DMD: variants seen among roughly 807,000 people sequenced by gnomAD.
The protein encoded by DMD is mutant dystrophin.
A neutral mutation model predicts 330.1 loss-of-function variants in DMD; 63 were observed. The observed-to-expected ratio is 0.19, with a 90% CI of 0.16 to 0.24. DMD has a LOEUF of 0.24. Among genes scored for constraint, DMD ranks in the 10% least tolerant of loss-of-function variants. The pLI, the probability that DMD is intolerant of heterozygous loss-of-function variation, is 1.00. For missense variants in DMD, 3,344 were observed against 2,684.1 expected (o/e 1.25, Z -5.43); for synonymous variants, 1,223 against 959.8 (o/e 1.27, Z -5.07).
At chrX:33,271,059 G>A (rs1333105648) in intron 1 of DMD, among the ~76,000 whole-genome samples, 1 of 111,215 alleles carries the variant, frequency 9.0e-6, no homozygotes, top group East Asian at 2.8e-4. Flanking sequence ...CTATTTTCTC[G>A]AAGATCTTAA....
intron 1 of DMD, among the ~76,000 whole-genome samples, chrX:33,234,770 G>A (rs1015591925): frequency 4.5e-5 from 5 of 110,931 alleles, no homozygotes; most frequent in Non-Finnish European, 3.8e-5. Context: ...TCTGGGAAAA[G>A]AGATTTTGCT....
chrX:31,968,408 T>C lies in DMD; in HGVS notation c.6545A>G (p.Gln2182Arg), dbSNP rs749804804. 2.3e-5 allele frequency: 28 copies of C among 1,209,121 alleles called. No individual in the cohort carries two copies. The highest frequency in any genetic ancestry group is 4.4e-5 in the Admixed American group (2 of 45,646). ...QSSKTDASILQEKLGSLNLRW... is the reference protein window; with the variant it reads ...QSSKTDASILREKLGSLNLRW... ...CAGATTCAGGCTTCCCAATTTTTCC[T>C]GTAGAATACTGGCATCTGTTTTTGA... is the stretch of plus-strand genomic sequence containing the variant. Residue 2182 changes from glutamine (Q) to arginine (R), a missense_variant, in exon 45 of 79, where the codon CAG (glutamine) becomes CGG (arginine). Gln to Arg is a conservative substitution (Grantham distance 43). Transcript: ENST00000357033.
At chrX:32,231,505 A>G (rs1436749737) in intron 43 of DMD, among the ~76,000 whole-genome samples, 1 of 112,229 alleles carries the variant, frequency 8.9e-6, no homozygotes, top group Non-Finnish European at 1.9e-5. Context: ...CTTTGGCCAT[A>G]AAAAATTAAA....
chrX:32,410,526 A>G (rs1359712060), intron 30 of DMD, among the ~76,000 whole-genome samples: 4 of 111,717 alleles, frequency 3.6e-5, no homozygotes, highest in African/African-American at 6.5e-5. Context: ...CAAATCTAAT[A>G]TATCACCCCC....
rs60347530 is a variant in DMD, at chrX:32,155,973, A to AACACACACACAC, written c.6438+60931_6438+60942dup. Among the ~76,000 whole-genome samples, 60 of 95,767 alleles carry AACACACACACAC rather than the reference A, an allele frequency of 6.3e-4. 1 individual carries two copies. The highest frequency in any genetic ancestry group is 5.5e-3 in the Middle Eastern group (1 of 182). The allele number at this position is 95,767 out of a possible 115,157, so 83.2% of individuals were successfully genotyped here. A position where few individuals can be genotyped will look rare whatever the true frequency, so the allele number is the denominator to read the frequency against. The stretch of plus-strand genomic sequence containing the variant: ...GTGTGTGTGTATCCTTTTGTCATTC[A>AACACACACACAC]ACACACACACACACACACACACACA... On this transcript the variant is annotated intron_variant, in intron 44 of 78. Coordinates refer to ENST00000357033, the MANE Select transcript of DMD (RefSeq NM_004006.3).
chrX:31,754,286 A>G (rs2088864987), intron 51 of DMD, among the ~76,000 whole-genome samples: 1 of 111,795 alleles, frequency 8.9e-6, no homozygotes, highest in Non-Finnish European at 1.9e-5. Context: ...TATTCTAGAC[A>G]TCTGGCCTAT....
rs1557294172 is a variant in DMD at position 32,348,399 on chromosome X, A to G, written c.5448+7T>C. 1 of 1,206,987 alleles carries G rather than the reference A, an allele frequency of 8.3e-7. No homozygotes were observed. Among genetic ancestry groups the G allele is most frequent in the Non-Finnish European group, 1.1e-6 (1 of 892,201 alleles). ...GTTCATTCACACTTTTATCACAACC[A>G]ATTTACCATATCTTTATTGAAGTCT... On this transcript the variant is annotated splice_region_variant and intron_variant, in intron 38 of 78. Transcript: ENST00000357033.
chrX:33,067,680 A>C (rs745474807), intron 1 of DMD, among the ~76,000 whole-genome samples: 20 of 110,552 alleles, frequency 1.8e-4, no homozygotes, highest in African/African-American at 6.2e-4. Context: ...ATCTCTACTA[A>C]AAATACAAAA....
In DMD at chrX:33,010,322, A is replaced by G. The variant is rs180777541; in HGVS notation, c.93+9817T>C. On this transcript the variant is annotated intron_variant, in intron 2 of 78. Transcript: ENST00000357033. ...TGTATATATGTACATATATGTGTAT[A>G]AATATGTATATATGTACATATATAT... Among the ~76,000 whole-genome samples the G allele has an allele frequency of 2.8e-3, 301 of 106,255 alleles. 1 individual carries two copies. Among genetic ancestry groups the G allele is most frequent in the African/African-American group, 9.5e-3 (277 of 29,034 alleles). 92.3% of individuals were successfully genotyped at this position (106,255 alleles called of 115,157 possible).
intron 1 of DMD, among the ~76,000 whole-genome samples, chrX:33,158,700 C>A (rs2148655802): frequency 9.0e-6 from 1 of 111,694 alleles, no homozygotes; most frequent in Non-Finnish European, 1.9e-5. Context: ...ACCAAAGCAG[C>A]ATAACCTAGC....
rs751674768 is a variant in DMD at position 32,201,633 on chromosome X, C to A, written c.6438+15283G>T. ...TCCTGTGAATGAAATACTGATCATG[C>A]AAACACAGCCAAAGATTGTCTAGGG... is the stretch of plus-strand genomic sequence containing the variant. On this transcript the variant is annotated intron_variant, in intron 44 of 78. Coordinates refer to ENST00000357033, the MANE Select transcript of DMD (RefSeq NM_004006.3). 3.6e-5 allele frequency among the ~76,000 whole-genome samples: 4 copies of A among 111,315 alleles called. No homozygotes were observed. The South Asian group carries it at 1.5e-3, about 42-fold the overall frequency.
In DMD at chrX:31,330,612, C is replaced by T. The variant is rs2057068517; in HGVS notation, c.9164-6954G>A. Among the ~76,000 whole-genome samples, 3 of 112,104 alleles carry T rather than the reference C, an allele frequency of 2.7e-5. No homozygotes were observed. In the Admixed American group the frequency reaches 2.8e-4, roughly 11 times the overall value. Reference sequence around the variant, plus strand: ...CCTCTCTTGTGCTCTGTAACCCAGCCTATTCAGTTCACTTCATTACTGAAT... The same window carrying T: ...CCTCTCTTGTGCTCTGTAACCCAGCTTATTCAGTTCACTTCATTACTGAAT... On this transcript the variant is annotated intron_variant, in intron 61 of 78. Transcript: ENST00000357033.
chrX:32,558,883 T>C (rs943178679), intron 16 of DMD, among the ~76,000 whole-genome samples: 3 of 107,658 alleles, frequency 2.8e-5, no homozygotes, highest in African/African-American at 6.8e-5. Context: ...TAGTTGGAGA[T>C]AGCAAAATGA....
At chrX:33,099,709 A>T (rs1376754944) in intron 1 of DMD, among the ~76,000 whole-genome samples, 1 of 112,155 alleles carries the variant, frequency 8.9e-6, no homozygotes, top group East Asian at 2.8e-4. Flanking sequence ...AGATTAAGAT[A>T]TTTAGTATAT....
intron 12 of DMD, among the ~76,000 whole-genome samples, chrX:32,605,432 C>CCTGAAA (rs2056610472): frequency 9.1e-6 from 1 of 110,008 alleles, no homozygotes; most frequent in Admixed American, 9.7e-5. Flanking sequence ...AAATGTAAGA[C>CCTGAAA]CTGAAAATAT....
intron 1 of DMD, among the ~76,000 whole-genome samples, chrX:33,258,425 A>G (rs2052894697): frequency 9.0e-6 from 1 of 111,672 alleles, no homozygotes; most frequent in Admixed American, 9.6e-5. Flanking sequence ...AGAACCACCA[A>G]CAAAAGTTCT....
intron 44 of DMD, among the ~76,000 whole-genome samples, chrX:32,168,131 G>A (rs1386664730): frequency 8.9e-6 from 1 of 111,858 alleles, no homozygotes; most frequent in Non-Finnish European, 1.9e-5. Flanking sequence ...GAAGTACCCT[G>A]TTAAAGTAAT....
At chrX:32,183,754 T>C in intron 44 of DMD, among the ~76,000 whole-genome samples, 1 of 109,210 alleles carries the variant, frequency 9.2e-6, no homozygotes, top group East Asian at 2.9e-4. Flanking sequence ...GTATCATGAG[T>C]TCCCAAACTA....
chrX:32,767,451 A>G (rs1226239255), intron 7 of DMD, among the ~76,000 whole-genome samples: 1 of 111,810 alleles, frequency 8.9e-6, no homozygotes, highest in Non-Finnish European at 1.9e-5. Context: ...TGTAAGTTCT[A>G]TATGTGCCAT....
Sources: gnomAD v4.1 joint callset for allele counts (sites outside exome capture counted in the v4.1 genomes callset) on GRCh38, gnomAD v4.1.1 for gene constraint, MANE v1.5 for transcripts, NCBI Gene and HGNC (gene_info 2026-07-23, HGNC 2026-07-21) for gene names.